SLC9B1: variants seen among roughly 807,000 people sequenced by gnomAD.
SLC9B1 encodes the protein solute carrier family 9 member B1, also known as sodium/hydrogen exchanger 9B1.
SLC9B1 carries 32 observed loss-of-function variants against 51.7 expected under a neutral mutation model. That is an observed-to-expected ratio of 0.62 (90% confidence interval 0.47 to 0.83). The LOEUF is 0.83. Among genes scored for constraint, SLC9B1 ranks in the 40% least tolerant of loss-of-function variants. SLC9B1 has a pLI of 0.00. For missense variants in SLC9B1, 406 were observed against 613.2 expected, an observed-to-expected ratio of 0.66 and a Z score of 3.57; for synonymous variants, 145 against 212.7, an observed-to-expected ratio of 0.68 and a Z score of 2.77.
intron 6 of SLC9B1, among the ~76,000 whole-genome samples, chr4:102,944,916 T>C (rs938719335): frequency 7.2e-5 from 11 of 152,118 alleles, no homozygotes; most frequent in African/African-American, 2.7e-4. Context: ...ATTAGATAGA[T>C]TAAAACATAC....
intron 3 of SLC9B1, among the ~76,000 whole-genome samples, chr4:102,964,715 T>C (rs1427715866): frequency 6.6e-6 from 1 of 152,150 alleles, no homozygotes; most frequent in African/African-American, 2.4e-5. Flanking sequence ...CCTCAATAGA[T>C]GCAGAAAAGC....
At chr4:102,908,094 T>C (rs1735141750) in intron 9 of SLC9B1, among the ~76,000 whole-genome samples, 1 of 152,294 alleles carries the variant, frequency 6.6e-6, no homozygotes, top group Non-Finnish European at 1.5e-5. Context: ...CAAAAAATAC[T>C]TTAAAAAGAA....
chr4:102,951,708 G>T (rs1211773981), intron 3 of SLC9B1, among the ~76,000 whole-genome samples: 2 of 151,426 alleles, frequency 1.3e-5, no homozygotes, highest in African/African-American at 4.9e-5. Flanking sequence ...AAAAAAATGA[G>T]GTGGAAAATG....
chr4:102,931,636 A>G (rs997096535), intron 7 of SLC9B1, among the ~76,000 whole-genome samples: 1 of 99,774 alleles, frequency 1.0e-5, no homozygotes, highest in Non-Finnish European at 1.9e-5. Flanking sequence ...TCAAGACCAG[A>G]TATCACCTTG....
At chr4:102,972,693 T>C (rs1239537498) in intron 3 of SLC9B1, among the ~76,000 whole-genome samples, 1 of 152,210 alleles carries the variant, frequency 6.6e-6, no homozygotes, top group Non-Finnish European at 1.5e-5. Context: ...AACTGAATTT[T>C]TGTAATTGTT....
intron 1 of SLC9B1, among the ~76,000 whole-genome samples, chr4:103,015,456 TA>T (rs1741268562): frequency 6.6e-6 from 1 of 152,148 alleles, no homozygotes; most frequent in Admixed American, 6.5e-5. Flanking sequence ...ATTCAACCAC[TA>T]ATACCCAGGT....
intron 7 of SLC9B1, among the ~76,000 whole-genome samples, chr4:102,914,615 C>T (rs1253459732): frequency 6.6e-6 from 1 of 152,080 alleles, no homozygotes; most frequent in African/African-American, 2.4e-5. Flanking sequence ...GTAATTTTTG[C>T]AAAGGCAGTT....
At chr4:102,985,187 C>G (rs1445416383) in intron 3 of SLC9B1, among the ~76,000 whole-genome samples, 1 of 152,176 alleles carries the variant, frequency 6.6e-6, no homozygotes, top group Non-Finnish European at 1.5e-5. Flanking sequence ...TTCTCCATCT[C>G]TTTCCTTAAT....
chr4:102,969,900 T>C (rs1340200965), intron 3 of SLC9B1, among the ~76,000 whole-genome samples: 1 of 151,054 alleles, frequency 6.6e-6, no homozygotes, highest in Non-Finnish European at 1.5e-5. Context: ...TGATGGAAAA[T>C]CAAATGAATG....
intron 3 of SLC9B1, among the ~76,000 whole-genome samples, chr4:102,950,873 T>C (rs1478629247): frequency 1.3e-4 from 20 of 152,172 alleles, no homozygotes; most frequent in Admixed American, 1.3e-3. Flanking sequence ...CGCATGCCTA[T>C]AATCCCAGCT....
chr4:102,949,560 C>T, intron 3 of SLC9B1, 133 bp from the exon 4 acceptor site: 1 of 553,876 alleles, frequency 1.8e-6, no homozygotes. Context: ...ATCAACATTG[C>T]TTACTAGTTT....
chr4:102,932,408 T>A (rs1473406395), intron 6 of SLC9B1, 109 bp from the exon 7 acceptor site: 12 of 1,065,404 alleles, frequency 1.1e-5, no homozygotes. Context: ...TTAGAAGAAT[T>A]TCAAATTTGA....
At chr4:102,964,214 C>T (rs1279036028) in intron 3 of SLC9B1, among the ~76,000 whole-genome samples, 2 of 151,534 alleles carry the variant, frequency 1.3e-5, no homozygotes, top group Non-Finnish European at 2.9e-5. Flanking sequence ...TAGAACAATT[C>T]CTAGAAAGAC....
chr4:102,895,098 G>A lies in SLC9B1; in HGVS notation c.1333-9770C>T, dbSNP rs183226559. ...TGTTCCAAAAAAAAGACTATTGAGAGGAACTTTTCTCAGCAGATATCAGCA... is the reference window on the plus strand; with the variant it reads ...TGTTCCAAAAAAAAGACTATTGAGAAGAACTTTTCTCAGCAGATATCAGCA... On this transcript the variant is annotated intron_variant, in intron 11 of 11. Coordinates refer to the SLC9B1 transcript ENST00000394789. 5.5e-4 allele frequency among the ~76,000 whole-genome samples: 84 copies of A among 152,174 alleles called. 1 individual carries two copies. The East Asian group carries it at 0.016, about 29-fold the overall frequency.
At chr4:102,959,615 A>G (rs1737990809) in intron 3 of SLC9B1, among the ~76,000 whole-genome samples, 1 of 152,188 alleles carries the variant, frequency 6.6e-6, no homozygotes, top group Admixed American at 6.5e-5. Context: ...TTTTGCTTGA[A>G]TATCAATAGA....
intron 3 of SLC9B1, among the ~76,000 whole-genome samples, chr4:102,967,861 G>T (rs1738514476): frequency 1.3e-5 from 2 of 152,090 alleles, no homozygotes; most frequent in African/African-American, 4.8e-5. Flanking sequence ...ACATCACTCA[G>T]ATAAATGCCT....
At position 102,949,302 on chromosome 4, in the gene SLC9B1, G is replaced by C; in HGVS notation, c.337C>G (p.Gln113Glu). 1 of 1,607,790 alleles carries C rather than the reference G, an allele frequency of 6.2e-7. No homozygotes were observed. The highest frequency in any genetic ancestry group is 8.5e-7 in the Non-Finnish European group (1 of 1,177,934). The part of the protein sequence containing the change: ...YSAIIGGKIL[Q>E]LIRIPLVPPL... ...GGCACTAAAGGTATTCTAATGAGTT[G>C]TAAAATTTTTCCCCCAATAATGGCA... Residue 113 changes from glutamine (Q) to glutamate (E), a missense_variant, in exon 4 of 12, where the codon CAA becomes GAA. Transcript: ENST00000296422.
intron 7 of SLC9B1, among the ~76,000 whole-genome samples, chr4:102,911,765 C>T (rs868738751): frequency 3.9e-5 from 6 of 151,962 alleles, no homozygotes; most frequent in African/African-American, 1.2e-4. Context: ...CAGAAATGTC[C>T]ATTATGTAAA....
At chr4:102,935,562 T>C (rs952043506) in intron 6 of SLC9B1, among the ~76,000 whole-genome samples, 19 of 152,212 alleles carry the variant, frequency 1.2e-4, no homozygotes, top group African/African-American at 4.6e-4. Context: ...GCTGTTGACA[T>C]ACAATGTAGT....
Sources: allele counts gnomAD v4.1 joint callset (sites outside exome capture counted in the v4.1 genomes callset), GRCh38; gene constraint gnomAD v4.1.1; transcripts MANE v1.5; gene names NCBI Gene and HGNC (gene_info 2026-07-23, HGNC 2026-07-21).